REPS2: variants seen among roughly 807,000 people sequenced by gnomAD.
REPS2 encodes RALBP1 associated Eps domain containing 2.
REPS2 carries 23 observed loss-of-function variants against 53.6 expected under a neutral mutation model. The ratio of observed to expected loss-of-function variants is 0.43; its 90% CI spans 0.31 to 0.61. The LOEUF (loss-of-function observed/expected upper bound fraction) is 0.61. Among genes scored for constraint, REPS2 ranks in the 20% least tolerant of loss-of-function variants. REPS2 has a pLI of 0.11. For synonymous variants in REPS2, 238 were observed against 218.6 expected (o/e 1.09, Z -0.78); for missense variants, 446 against 534.9 (o/e 0.83, Z 1.64).
chrX:17,049,868 T>C (rs2061955909), intron 6 of REPS2, among the ~76,000 whole-genome samples: 1 of 110,540 alleles, frequency 9.0e-6, no homozygotes. Flanking sequence ...ACTTACACTC[T>C]AAGGTTAATT....
At chrX:16,969,753 C>CGAGAGGGAGAGGGGGAGAGGGA (rs1569098400) in intron 1 of REPS2, among the ~76,000 whole-genome samples, 1 of 69,270 alleles carries the variant, frequency 1.4e-5, no homozygotes, top group Non-Finnish European at 2.6e-5. Context: ...AGAGGGAGAC[C>CGAGAGGGAGAGGGGGAGAGGGA]GAGAGGGAGA....
In REPS2 at chrX:17,152,068, G is replaced by A. The variant is rs1179820100; in HGVS notation, c.*4587G>A. 2 of 111,179 alleles carry A rather than the reference G, an allele frequency of 1.8e-5. No homozygotes were observed. The highest frequency in any genetic ancestry group is 6.6e-5 in the African/African-American group (2 of 30,517). 9.2% of individuals were successfully genotyped at this position (111,179 alleles called of 1,213,427 possible). ...ATTACTCTGTGAGCCACCCTGCTTC[G>A]CTTGTTTGTAAGGAGAAATGCATCT... is the stretch of plus-strand genomic sequence containing the variant. On this transcript the variant is annotated 3_prime_UTR_variant, in exon 18 of 18. Transcript: ENST00000357277.
intron 1 of REPS2, among the ~76,000 whole-genome samples, chrX:16,993,689 G>C (rs776262016): frequency 4.5e-5 from 5 of 112,293 alleles, no homozygotes; most frequent in African/African-American, 1.6e-4. Flanking sequence ...GACCCCCAGA[G>C]TTATGAATTA....
chrX:17,021,763 A>G (rs113780242), intron 2 of REPS2, among the ~76,000 whole-genome samples: 1 of 112,618 alleles, frequency 8.9e-6, no homozygotes, highest in African/African-American at 3.2e-5. Context: ...TGTGCCTGGC[A>G]TATTTAAGCA....
At chrX:17,093,194 AT>A (rs1569172015) in intron 13 of REPS2, among the ~76,000 whole-genome samples, 8,618 of 42,938 alleles carry the variant, frequency 0.2, 922 homozygotes, top group East Asian at 0.38. Context: ...ATATATATAT[AT>A]ATATAATTTT....
At chrX:17,138,278 C>T (rs1225474624) in intron 16 of REPS2, 5 of 112,363 alleles carry the variant, frequency 4.4e-5, no homozygotes, top group Non-Finnish European at 9.4e-5. Context: ...GGTATTAAAA[C>T]GTTCTGTATT....
intron 8 of REPS2, among the ~76,000 whole-genome samples, chrX:17,059,142 C>A (rs2062117964): frequency 9.3e-6 from 1 of 107,636 alleles, no homozygotes; most frequent in South Asian, 4.1e-4. Context: ...TCCAAAGTAG[C>A]TGGGACTACA....
Position 17,041,865 on chromosome X carries a change from G to A in REPS2, c.772-5482G>A, listed in dbSNP as rs187017298. Among the ~76,000 whole-genome samples the A allele has an allele frequency of 3.4e-3, 383 of 112,137 alleles. 1 individual carries two copies. Among genetic ancestry groups the A allele is most frequent in the African/African-American group, 0.012 (369 of 30,925 alleles). The stretch of plus-strand genomic sequence containing the variant: ...GCTTCCTTGCAATTCATATTATTTA[G>A]CTTTGTTTGATTTTTAAGATAGTTT... On this transcript the variant is annotated intron_variant, in intron 5 of 17. Transcript: ENST00000357277.
Position 16,984,531 on chromosome X carries a change from G to C in REPS2, c.274-21690G>C, listed in dbSNP as rs1465456353. On this transcript the variant is annotated intron_variant, in intron 1 of 17. Transcript: ENST00000357277. ...GAAATCACTGGGGGCCATCATGGAGGCTGGTTACTACATGTTAATGATCCT... is the reference window on the plus strand; with the variant it reads ...GAAATCACTGGGGGCCATCATGGAGCCTGGTTACTACATGTTAATGATCCT... Among the ~76,000 whole-genome samples, 25 of 112,124 alleles carry C rather than the reference G, an allele frequency of 2.2e-4. No individual in the cohort carries two copies. The Admixed American group carries it at 2.4e-3, about 11-fold the overall frequency.
intron 1 of REPS2, among the ~76,000 whole-genome samples, chrX:16,985,579 A>G (rs1472872700): frequency 2.7e-5 from 3 of 111,916 alleles, no homozygotes; most frequent in Non-Finnish European, 5.6e-5. Flanking sequence ...AGATATAGAG[A>G]AGACTGAAAA....
chrX:17,096,678 AAAAAG>A (rs1285522314), intron 13 of REPS2, among the ~76,000 whole-genome samples: 1,438 of 83,245 alleles, frequency 0.017, 194 homozygotes, highest in African/African-American at 0.021. Context: ...AAAAAAAAAA[AAAAAG>A]AAAAGAAAAG....
the REPS2 span, among the ~76,000 whole-genome samples, chrX:17,185,921 C>T: frequency 9.0e-6 from 1 of 110,587 alleles, no homozygotes; most frequent in Non-Finnish European, 1.9e-5. Context: ...TTGGATCCCC[C>T]AAAGGTGGGG....
chrX:17,115,845 G>T (rs902777754), intron 14 of REPS2, among the ~76,000 whole-genome samples: 1 of 111,712 alleles, frequency 9.0e-6, no homozygotes, highest in African/African-American at 3.3e-5. Context: ...ACGGGGTTGG[G>T]GGTAAGGTTA....
At chrX:17,168,710 A>G in the REPS2 span, among the ~76,000 whole-genome samples, 1 of 112,160 alleles carries the variant, frequency 8.9e-6, no homozygotes, top group Admixed American at 9.5e-5. Context: ...GGCAGAAGCC[A>G]TTGTGGATTC....
chrX:16,991,826 G>GT (rs1181927783), intron 1 of REPS2, among the ~76,000 whole-genome samples: 1 of 111,491 alleles, frequency 9.0e-6, no homozygotes, highest in Non-Finnish European at 1.9e-5. Context: ...TAGAAGCAAT[G>GT]TATCTACAAG....
chrX:16,982,475 AGT>A (rs755440493), intron 1 of REPS2, among the ~76,000 whole-genome samples: 12 of 111,956 alleles, frequency 1.1e-4, no homozygotes, highest in Non-Finnish European at 2.3e-4. Flanking sequence ...AAGTGGAGAG[AGT>A]GTTGATTTTT....
the REPS2 span, among the ~76,000 whole-genome samples, chrX:17,164,369 C>A: frequency 9.0e-6 from 1 of 111,442 alleles, no homozygotes; most frequent in Non-Finnish European, 1.9e-5. Flanking sequence ...TTCAAAGACA[C>A]AAATAAGTTG....
intron 3 of REPS2, among the ~76,000 whole-genome samples, chrX:17,023,149 TG>T (rs1194250436): frequency 8.9e-6 from 1 of 112,769 alleles, no homozygotes; most frequent in Non-Finnish European, 1.9e-5. Context: ...CACTTGAGGC[TG>T]GGCACGGTGG....
At chrX:16,956,284 GTTTTTTTTTTTTTTTTTTTTT>G (rs869259012) in intron 1 of REPS2, among the ~76,000 whole-genome samples, 1 of 24,747 alleles carries the variant, frequency 4.0e-5, no homozygotes, top group Admixed American at 8.4e-4. Context: ...AACCACAGCA[GTTTTTTTTTTTTTTTTTTTTT>G]TTTTTTTTTT....
Sources: gnomAD v4.1 joint callset for allele counts (sites outside exome capture counted in the v4.1 genomes callset) on GRCh38, gnomAD v4.1.1 for gene constraint, MANE v1.5 for transcripts, NCBI Gene and HGNC (gene_info 2026-07-23, HGNC 2026-07-21) for gene names.